Variants in GABRG3 observed in about 807,000 individuals in gnomAD.
GABRG3 encodes the protein gamma-aminobutyric acid type A receptor subunit gamma3.
GABRG3 carries 25 observed loss-of-function variants against 48.8 expected under a neutral mutation model. The observed-to-expected ratio is 0.51, with a 90% CI of 0.37 to 0.72. The LOEUF (loss-of-function observed/expected upper bound fraction) is 0.72, where lower values mean the gene tolerates loss of function less well. Among genes scored for constraint, GABRG3 ranks in the 30% least tolerant of loss-of-function variants. The probability of loss-of-function intolerance (pLI) is 0.00; values close to 1 mark genes in which losing one functional copy is unlikely to be tolerated. For missense variants in GABRG3, 394 were observed against 577.9 expected, an observed-to-expected ratio of 0.68 and a Z score of 3.26; for synonymous variants, 227 against 217.6, an observed-to-expected ratio of 1.04 and a Z score of -0.38.
At chr15:27,216,771 T>TTTATTTATTTA (rs1566968483) in intron 3 of GABRG3, among the ~76,000 whole-genome samples, 32 of 104,144 alleles carry the variant, frequency 3.1e-4, no homozygotes, top group Admixed American at 2.9e-3. Flanking sequence ...TATTTATTTA[T>TTTATTTATTTA]TTTTTAATTT....
intron 3 of GABRG3, among the ~76,000 whole-genome samples, chr15:27,105,543 C>A (rs1455349531): frequency 6.6e-6 from 1 of 152,064 alleles, no homozygotes; most frequent in Non-Finnish European, 1.5e-5. Flanking sequence ...TAATTGAAAT[C>A]ATAAAGAATT....
chr15:27,149,319 T>C (rs1898267196), intron 3 of GABRG3, among the ~76,000 whole-genome samples: 1 of 151,160 alleles, frequency 6.6e-6, no homozygotes, highest in Non-Finnish European at 1.5e-5. Flanking sequence ...GGAACTAAAA[T>C]ATTCTTAAAA....
At chr15:27,043,776 C>T (rs375250483) in intron 3 of GABRG3, among the ~76,000 whole-genome samples, 3 of 152,212 alleles carry the variant, frequency 2.0e-5, no homozygotes, top group African/African-American at 7.2e-5. Flanking sequence ...TTTTTTACCT[C>T]GCAGTTTATA....
chr15:27,485,437 G>C (rs1367803764), intron 6 of GABRG3, among the ~76,000 whole-genome samples: 1 of 152,176 alleles, frequency 6.6e-6, no homozygotes, highest in Non-Finnish European at 1.5e-5. Flanking sequence ...GATAAGGAAA[G>C]AGCATCACTG....
intron 6 of GABRG3, among the ~76,000 whole-genome samples, chr15:27,491,612 C>T (rs1890357013): frequency 1.3e-5 from 2 of 152,120 alleles, no homozygotes; most frequent in Non-Finnish European, 2.9e-5. Flanking sequence ...GGCCGTAAGA[C>T]CAGTATATAC....
At chr15:27,426,606 A>T (rs1205462911) in intron 5 of GABRG3, among the ~76,000 whole-genome samples, 1 of 152,200 alleles carries the variant, frequency 6.6e-6, no homozygotes, top group East Asian at 1.9e-4. Flanking sequence ...TGAGGCTAGG[A>T]GTTCAAGACC....
rs1390421521 is a variant in GABRG3, at chr15:26,974,277, G to C, written c.53+2689G>C. Among the ~76,000 whole-genome samples the C allele has an allele frequency of 6.6e-6, 1 of 152,192 alleles. No individual in the cohort carries two copies. The highest frequency in any genetic ancestry group is 1.9e-4 in the East Asian group (1 of 5,200). On this transcript the variant is annotated intron_variant, in intron 1 of 9. Transcript: ENST00000615808. This position sits in a 1 kb window ranked among gnomAD's most constrained non-coding sequence, Gnocchi z 4.3. The stretch of plus-strand genomic sequence containing the variant: ...GCCACCTGTCCTGGCCTCTAAGGAG[G>C]AAGCGCTTGCAATTTCAGGAAAACC...
At chr15:27,043,381 CAG>C (rs1327943873) in intron 3 of GABRG3, among the ~76,000 whole-genome samples, 2 of 152,212 alleles carry the variant, frequency 1.3e-5, no homozygotes, top group African/African-American at 4.8e-5. Context: ...CAGACCAGCT[CAG>C]AACCAACTCA....
intron 5 of GABRG3, among the ~76,000 whole-genome samples, chr15:27,401,125 A>T (rs537783010): frequency 6.6e-6 from 1 of 152,204 alleles, no homozygotes; most frequent in Non-Finnish European, 1.5e-5. Flanking sequence ...TCGTATTACA[A>T]TGATTGCAGG....
chr15:27,174,396 C>T (rs751523793), intron 3 of GABRG3, among the ~76,000 whole-genome samples: 21 of 152,124 alleles, frequency 1.4e-4, no homozygotes, highest in Non-Finnish European at 2.8e-4. Context: ...CCATTTTTTC[C>T]TCTTTTAATA....
intron 3 of GABRG3, among the ~76,000 whole-genome samples, chr15:27,040,093 C>T (rs1896249504): frequency 6.6e-6 from 1 of 152,244 alleles, no homozygotes; most frequent in East Asian, 1.9e-4. Flanking sequence ...TGGTGCCTCG[C>T]AGCACGGGAT....
intron 3 of GABRG3, among the ~76,000 whole-genome samples, chr15:27,185,764 C>CT (rs34768251): frequency 0.059 from 8,985 of 152,048 alleles, 431 homozygotes; most frequent in East Asian, 0.16. Context: ...GTGGAATAAT[C>CT]TTTTTATCAT....
intron 3 of GABRG3, among the ~76,000 whole-genome samples, chr15:27,045,777 C>T (rs1896352108): frequency 6.6e-6 from 1 of 152,222 alleles, no homozygotes; most frequent in Non-Finnish European, 1.5e-5. Context: ...GAACCAAGTG[C>T]AGTGAGACAG....
rs112744273 is a variant in GABRG3 at position 27,501,240 on chromosome 15, C to T, written c.713-18732C>T. On this transcript the variant is annotated intron_variant, in intron 6 of 9. Coordinates refer to ENST00000615808, the MANE Select transcript of GABRG3 (RefSeq NM_033223.5). ...TGCTAGGATTACAGGCGTGAGCCAC[C>T]GTGCCCGGCCAAAGTAATGTATGTT... Among the ~76,000 whole-genome samples the T allele has an allele frequency of 3.1e-3, 476 of 152,232 alleles. 6 individuals carry two copies. Among genetic ancestry groups the T allele is most frequent in the African/African-American group, 0.011 (443 of 41,540 alleles).
At chr15:27,305,462 G>A (rs1892368330) in intron 3 of GABRG3, among the ~76,000 whole-genome samples, 1 of 148,642 alleles carries the variant, frequency 6.7e-6, no homozygotes, top group African/African-American at 2.4e-5. Context: ...TTTATATATG[G>A]ATTGTGTGTG....
intron 5 of GABRG3, among the ~76,000 whole-genome samples, chr15:27,465,172 C>T (rs926093037): frequency 2.0e-5 from 3 of 152,182 alleles, no homozygotes; most frequent in Non-Finnish European, 2.9e-5. Context: ...CCCCTTGCCA[C>T]GTCAGCCCAC....
In GABRG3 at chr15:27,454,774, C is replaced by T. The variant is rs557195041; in HGVS notation, c.575-25876C>T. Among the ~76,000 whole-genome samples, 7 of 152,296 alleles carry T rather than the reference C, an allele frequency of 4.6e-5. No individual in the cohort carries two copies. In the South Asian group the frequency reaches 1.5e-3, roughly 32 times the overall value. On this transcript the variant is annotated intron_variant, in intron 5 of 9. Coordinates refer to ENST00000615808, the MANE Select transcript of GABRG3 (RefSeq NM_033223.5). The stretch of plus-strand genomic sequence containing the variant: ...TCATCCCTGTCCACATTTGGAAAAG[C>T]GCTCATTTCTGCCTCTTGCAAAGAA...
intron 5 of GABRG3, among the ~76,000 whole-genome samples, chr15:27,388,563 C>T (rs2140573746): frequency 6.6e-6 from 1 of 152,266 alleles, no homozygotes; most frequent in South Asian, 2.1e-4. Flanking sequence ...AGGAGCAGGA[C>T]CACAGAATCG....
At chr15:27,148,636 A>G (rs960990380) in intron 3 of GABRG3, among the ~76,000 whole-genome samples, 3 of 152,044 alleles carry the variant, frequency 2.0e-5, no homozygotes, top group African/African-American at 7.2e-5. Flanking sequence ...CCAGCAACAT[A>G]TAATATGATT....
Sources: allele counts gnomAD v4.1 joint callset (sites outside exome capture counted in the v4.1 genomes callset), GRCh38; gene constraint gnomAD v4.1.1; non-coding constraint Gnocchi (gnomAD v3.1); transcripts MANE v1.5; gene names NCBI Gene and HGNC (gene_info 2026-07-23, HGNC 2026-07-21).